The following CPSF2 variants were observed in gnomAD, a reference collection of about 807,000 sequenced individuals.
CPSF2 encodes the protein cleavage and polyadenylation specificity factor subunit 2.
Under a neutral mutation model 84.2 loss-of-function variants are expected in CPSF2, and 51 were observed. The observed-to-expected ratio is 0.61, with a 90% CI of 0.48 to 0.77. CPSF2 has a LOEUF of 0.77. Among genes scored for constraint, CPSF2 ranks in the 30% least tolerant of loss-of-function variants. CPSF2 has a pLI of 0.00. For synonymous variants in CPSF2, 286 were observed against 311.9 expected, an observed-to-expected ratio of 0.92 and a Z score of 0.87; for missense variants, 641 against 929.4, an observed-to-expected ratio of 0.69 and a Z score of 4.03.
chr14:92,170,739 G>T lies in CPSF2; in HGVS notation c.*8995G>T, dbSNP rs78337895. On this transcript the variant is annotated 3_prime_UTR_variant, in exon 16 of 16. Coordinates refer to ENST00000298875, the MANE Select transcript of CPSF2 (RefSeq NM_017437.3). ...GATATTTCCTCAAGATTAGATTCAG[G>T]TTGTGAATTTTTGGCAGGAATACCA... 6.6e-6 allele frequency: 1 copy of T among 152,140 alleles called. No homozygotes were observed. The highest frequency in any genetic ancestry group is 1.5e-5 in the Non-Finnish European group (1 of 68,030). 9.4% of individuals were successfully genotyped at this position (152,140 alleles called of 1,614,324 possible).
chr14:92,131,398 G>A (rs2068926524), intron 3 of CPSF2, among the ~76,000 whole-genome samples: 1 of 152,168 alleles, frequency 6.6e-6, no homozygotes, highest in South Asian at 2.1e-4. Flanking sequence ...GAAAGAACAA[G>A]AATACATAAG....
intron 11 of CPSF2, among the ~76,000 whole-genome samples, chr14:92,156,152 T>C (rs1200253604): frequency 6.6e-6 from 1 of 152,006 alleles, no homozygotes; most frequent in Non-Finnish European, 1.5e-5. Context: ...TAGCCGGGCG[T>C]GATGGCAGGC....
chr14:92,142,411 G>T, intron 8 of CPSF2, 60 bp downstream of exon 8: 1 of 1,311,720 alleles, frequency 7.6e-7, no homozygotes, highest in Non-Finnish European at 1.0e-6. Context: ...CTGTGGAAGT[G>T]GGCGTCTTAA....
Position 92,143,224 on chromosome 14 carries a change from A to G in CPSF2, c.1070A>G (p.Tyr357Cys), listed in dbSNP as rs2069101710. Residue 357 changes from tyrosine (Y) to cysteine (C), a missense_variant, in exon 9 of 16, where the codon TAC becomes TGC. Transcript: ENST00000298875. ...QDPKNSIILTYRTTPGTLARF... is the reference protein window; with the variant it reads ...QDPKNSIILTCRTTPGTLARF... ...CCTAAAAACTCAATCATTCTAACCT[A>G]CAGAACTACTCCTGGGACTTTAGCA... 1.9e-6 allele frequency: 3 copies of G among 1,613,650 alleles called. No homozygotes were observed.
chr14:92,128,034 T>A (rs1308381619), intron 2 of CPSF2, among the ~76,000 whole-genome samples: 1 of 152,164 alleles, frequency 6.6e-6, no homozygotes, highest in African/African-American at 2.4e-5. Flanking sequence ...TGAAGGGTAA[T>A]ACTTACGGCC....
chr14:92,138,369 T>C, intron 7 of CPSF2, 22 bp downstream of exon 7: 1 of 1,033,356 alleles, frequency 9.7e-7, no homozygotes, highest in South Asian at 1.8e-5. Flanking sequence ...TTCACGTCCT[T>C]ATTATTATTA....
intron 7 of CPSF2, among the ~76,000 whole-genome samples, chr14:92,140,571 T>C (rs2069064177): frequency 6.6e-6 from 1 of 151,688 alleles, no homozygotes. Context: ...TAGCTGGGAT[T>C]ACAGGCGTGT....
chr14:92,142,512 G>A (rs975476987), intron 8 of CPSF2, among the ~76,000 whole-genome samples, 161 bp downstream of exon 8: 5 of 152,172 alleles, frequency 3.3e-5, no homozygotes, highest in African/African-American at 1.2e-4. Flanking sequence ...TGCTTTAAAT[G>A]TATTATTTAA....
intron 11 of CPSF2, 56 bp from the exon 12 acceptor site, chr14:92,156,423 T>C (rs1388986525): frequency 1.4e-6 from 2 of 1,437,384 alleles, no homozygotes; most frequent in Non-Finnish European, 1.9e-6. Context: ...TAGTCATATA[T>C]GTTATGTAGT....
rs954709044 is a variant in CPSF2, at chr14:92,163,766, T to C, written c.*2022T>C. ...TTTTTGAGATGGAGTTTTGCTCTTG[T>C]TGCCCAGACTGGAGTGCAATGGCAC... On this transcript the variant is annotated 3_prime_UTR_variant, in exon 16 of 16. Coordinates refer to ENST00000298875, the MANE Select transcript of CPSF2 (RefSeq NM_017437.3). 1 of 152,580 alleles carries C rather than the reference T, an allele frequency of 6.6e-6. No homozygotes were observed. Among genetic ancestry groups the C allele is most frequent in the African/African-American group, 2.4e-5 (1 of 41,432 alleles). The allele number at this position is 152,580 out of a possible 1,614,324, so 9.5% of individuals were successfully genotyped here.
rs1236286678 is a variant in CPSF2, at chr14:92,165,082, A to G, written c.*3338A>G. 1 of 152,238 alleles carries G rather than the reference A, an allele frequency of 6.6e-6. No homozygotes were observed. Among genetic ancestry groups the G allele is most frequent in the Admixed American group, 6.5e-5 (1 of 15,286 alleles). 9.4% of individuals were successfully genotyped at this position (152,238 alleles called of 1,614,324 possible). Reference sequence around the variant, plus strand: ...ACTTAGCATAATGTTTTCAGAGTGCATCACTGTTGTAACATGTATCAGTAC... The same window carrying G: ...ACTTAGCATAATGTTTTCAGAGTGCGTCACTGTTGTAACATGTATCAGTAC... On this transcript the variant is annotated 3_prime_UTR_variant, in exon 16 of 16. Transcript: ENST00000298875.
Position 92,157,903 on chromosome 14 carries a change from G to T in CPSF2, c.1821+19G>T, listed in dbSNP as rs1192113315. 1 of 1,544,036 alleles carries T rather than the reference G, an allele frequency of 6.5e-7. No homozygotes were observed. The highest frequency in any genetic ancestry group is 1.1e-5 in the South Asian group (1 of 89,632). On this transcript the variant is annotated intron_variant, in intron 13 of 15. Transcript: ENST00000298875. This position sits in a 1 kb window ranked among gnomAD's most constrained non-coding sequence, Gnocchi z 4.0. ...CTACCAGGTAAACATGCCAGGAGTT[G>T]CCATTGAGTAGAAATAAGTACTTTT...
chr14:92,122,275 C>A (rs997231571), intron 1 of CPSF2, 147 bp downstream of exon 1: 6 of 241,896 alleles, frequency 2.5e-5, no homozygotes, highest in Non-Finnish European at 5.0e-5. Flanking sequence ...CGGTCGTTCC[C>A]GGCAGAAGTG....
chr14:92,139,165 C>T (rs1183712872), intron 7 of CPSF2, among the ~76,000 whole-genome samples: 2 of 152,120 alleles, frequency 1.3e-5, no homozygotes, highest in African/African-American at 4.8e-5. Context: ...CGCCTGTAAT[C>T]CCACCACTTT....
intron 1 of CPSF2, among the ~76,000 whole-genome samples, chr14:92,124,271 G>A (rs1171228663): frequency 6.6e-6 from 1 of 152,196 alleles, no homozygotes; most frequent in African/African-American, 2.4e-5. Context: ...GAGTGAGCAG[G>A]AGGATATTTG....
Position 92,138,227 on chromosome 14 carries a change from T to C in CPSF2, c.546-5T>C, listed in dbSNP as rs919330847. 3 of 1,477,274 alleles carry C rather than the reference T, an allele frequency of 2.0e-6. No homozygotes were observed. The highest frequency in any genetic ancestry group is 2.8e-5 in the African/African-American group (2 of 70,830). 91.5% of individuals were successfully genotyped at this position (1,477,274 alleles called of 1,614,324 possible). A position where few individuals can be genotyped will look rare whatever the true frequency, so the allele number is the denominator to read the frequency against. ...AAATATTCCTCTTCTTAAACTTTCT[T>C]ATAGCCATTTAAATGGATGTTCCCT... On this transcript the variant is annotated splice_polypyrimidine_tract_variant and splice_region_variant and intron_variant, in intron 6 of 15. Transcript: ENST00000298875.
intron 3 of CPSF2, 38 bp downstream of exon 3, chr14:92,131,171 C>T: frequency 6.6e-7 from 1 of 1,515,734 alleles, no homozygotes; most frequent in Non-Finnish European, 9.1e-7. Flanking sequence ...TTTATTAAAT[C>T]AACTTCTCTT....
chr14:92,145,477 A>G (rs554977334), intron 9 of CPSF2, among the ~76,000 whole-genome samples: 2 of 152,282 alleles, frequency 1.3e-5, no homozygotes, highest in South Asian at 2.1e-4. Flanking sequence ...CTGTCTGCCA[A>G]CTCTACTTAA....
chr14:92,138,601 T>G (rs1186513748), intron 7 of CPSF2, among the ~76,000 whole-genome samples: 1 of 152,042 alleles, frequency 6.6e-6, no homozygotes, highest in Non-Finnish European at 1.5e-5. Context: ...AGCTAATTTT[T>G]GTATTTTTAG....
Sources: gnomAD v4.1 joint callset for allele counts (sites outside exome capture counted in the v4.1 genomes callset) on GRCh38, gnomAD v4.1.1 for gene constraint, Gnocchi (gnomAD v3.1) non-coding constraint, MANE v1.5 for transcripts, NCBI Gene and HGNC (gene_info 2026-07-23, HGNC 2026-07-21) for gene names.